Variants in LHFPL3 observed in about 807,000 individuals in gnomAD.
LHFPL3 encodes LHFPL tetraspan subfamily member 3 protein.
Under a neutral mutation model 19.3 loss-of-function variants are expected in LHFPL3, and 5 were observed. That is an observed-to-expected ratio of 0.26 (90% CI 0.14 to 0.54). The LOEUF (loss-of-function observed/expected upper bound fraction) is 0.54, where lower values mean the gene tolerates loss of function less well. LHFPL3 is among the 20% of genes least tolerant of loss of function. LHFPL3 has a pLI of 0.94. For synonymous variants in LHFPL3, 133 were observed against 126.2 expected (o/e 1.05, Z -0.36); for missense variants, 249 against 307.4 (o/e 0.81, Z 1.42).
intron 1 of LHFPL3, among the ~76,000 whole-genome samples, chr7:104,664,616 G>C (rs765546269): frequency 1.3e-5 from 2 of 152,158 alleles, no homozygotes; most frequent in Admixed American, 6.5e-5. Context: ...TGTAGTTGTA[G>C]CACAGCATAG....
intron 1 of LHFPL3, among the ~76,000 whole-genome samples, chr7:104,460,164 C>T (rs939192342): frequency 6.6e-6 from 1 of 152,126 alleles, no homozygotes; most frequent in Non-Finnish European, 1.5e-5. Flanking sequence ...TCCATGTTCC[C>T]ATAGAAGACA....
chr7:104,852,237 C>CAG (rs1443871405), intron 2 of LHFPL3, among the ~76,000 whole-genome samples: 1 of 152,166 alleles, frequency 6.6e-6, no homozygotes, highest in African/African-American at 2.4e-5. Context: ...CTCTCTCAGA[C>CAG]ACAGAGAGAG....
chr7:104,365,486 A>G (rs1243964553), intron 1 of LHFPL3, among the ~76,000 whole-genome samples: 1 of 151,800 alleles, frequency 6.6e-6, no homozygotes, highest in African/African-American at 2.4e-5. Context: ...AGCATCAACA[A>G]GATGAAAAGC....
At chr7:104,491,807 T>A (rs1365698092) in intron 1 of LHFPL3, among the ~76,000 whole-genome samples, 1 of 152,228 alleles carries the variant, frequency 6.6e-6, no homozygotes, top group Non-Finnish European at 1.5e-5. Context: ...AATGTTAAAA[T>A]ATACCCAAAA....
chr7:104,735,931 A>G (rs1793807277), intron 1 of LHFPL3, among the ~76,000 whole-genome samples: 1 of 152,240 alleles, frequency 6.6e-6, no homozygotes, highest in African/African-American at 2.4e-5. Flanking sequence ...TGCTGTAATA[A>G]CATGGGAGTT....
At chr7:104,385,453 G>A (rs1790920594) in intron 1 of LHFPL3, among the ~76,000 whole-genome samples, 1 of 152,156 alleles carries the variant, frequency 6.6e-6, no homozygotes, top group South Asian at 2.1e-4. Flanking sequence ...TTTATGTGCT[G>A]ACAGACTGGT....
At chr7:104,407,737 T>A (rs1167022753) in intron 1 of LHFPL3, among the ~76,000 whole-genome samples, 2 of 152,226 alleles carry the variant, frequency 1.3e-5, no homozygotes. Context: ...GATCTCAACA[T>A]TGAAGTTGGC....
Position 104,850,012 on chromosome 7 carries a change from GT to G in LHFPL3, c.683-56168del, listed in dbSNP as rs544455402. Among the ~76,000 whole-genome samples, 4 of 152,326 alleles carry G rather than the reference GT, an allele frequency of 2.6e-5. No individual in the cohort carries two copies. In the South Asian group the frequency reaches 6.2e-4, roughly 24 times the overall value. ...TTAGGTTCGTGCAAAAGTAATTGTG[GT>G]TTTTTTAGGCCGGGCGCGGTGGCTC... On this transcript the variant is annotated intron_variant, in intron 2 of 2. Coordinates refer to ENST00000424859, the MANE Select transcript of LHFPL3 (RefSeq NM_199000.3).
intron 1 of LHFPL3, among the ~76,000 whole-genome samples, chr7:104,422,832 C>T (rs907951856): frequency 3.3e-5 from 5 of 152,094 alleles, no homozygotes; most frequent in Admixed American, 2.0e-4. Flanking sequence ...GGTGATGTAA[C>T]ATATATTGGG....
intron 1 of LHFPL3, among the ~76,000 whole-genome samples, chr7:104,614,589 C>CTTCTCT (rs750617770): frequency 1.6e-5 from 1 of 63,852 alleles, no homozygotes; most frequent in African/African-American, 5.4e-5. Context: ...CTTCTCTTCT[C>CTTCTCT]TCTCTTCTCT....
At chr7:104,520,330 G>A (rs1794031078) in intron 1 of LHFPL3, among the ~76,000 whole-genome samples, 1 of 147,610 alleles carries the variant, frequency 6.8e-6, no homozygotes, top group South Asian at 2.2e-4. Context: ...TTTTTGATGT[G>A]CTGCTGGATT....
At chr7:104,356,492 A>G (rs1053429750) in intron 1 of LHFPL3, among the ~76,000 whole-genome samples, 1 of 152,208 alleles carries the variant, frequency 6.6e-6, no homozygotes, top group African/African-American at 2.4e-5. Flanking sequence ...CATTTGGACC[A>G]TGGCAGCTAC....
At chr7:104,738,221 C>G (rs1793866483) in intron 2 of LHFPL3, among the ~76,000 whole-genome samples, 1 of 152,120 alleles carries the variant, frequency 6.6e-6, no homozygotes, top group Admixed American at 6.5e-5. Context: ...CAGAGCTGCC[C>G]TTTCTAGATA....
At chr7:104,347,264 AATC>A (rs959687877) in intron 1 of LHFPL3, among the ~76,000 whole-genome samples, 1 of 152,004 alleles carries the variant, frequency 6.6e-6, no homozygotes, top group Non-Finnish European at 1.5e-5. Context: ...TAGAAAAAAA[AATC>A]ATGCACATTT....
intron 1 of LHFPL3, among the ~76,000 whole-genome samples, chr7:104,387,431 G>C (rs894616142): frequency 1.3e-5 from 2 of 151,846 alleles, no homozygotes; most frequent in Non-Finnish European, 1.5e-5. Flanking sequence ...ATACTAGAGG[G>C]GCTCAAGAGC....
chr7:104,611,291 T>A (rs931256716), intron 1 of LHFPL3, among the ~76,000 whole-genome samples: 15 of 152,194 alleles, frequency 9.9e-5, no homozygotes, highest in African/African-American at 3.4e-4. Flanking sequence ...ATAAGAAAAT[T>A]GAGACTTCTG....
chr7:104,416,229 G>T (rs1791619608), intron 1 of LHFPL3, among the ~76,000 whole-genome samples: 1 of 152,246 alleles, frequency 6.6e-6, no homozygotes, highest in South Asian at 2.1e-4. Flanking sequence ...GGAATTCCAA[G>T]GATTGCTGGT....
chr7:104,586,497 C>T (rs1176657446), intron 1 of LHFPL3, among the ~76,000 whole-genome samples: 1 of 152,056 alleles, frequency 6.6e-6, no homozygotes, highest in African/African-American at 2.4e-5. Context: ...TTTTTCAAAG[C>T]ATTACAACAT....
At chr7:104,888,874 C>T (rs1792195453) in intron 2 of LHFPL3, among the ~76,000 whole-genome samples, 1 of 152,156 alleles carries the variant, frequency 6.6e-6, no homozygotes, top group Non-Finnish European at 1.5e-5. Context: ...AATGAATCCA[C>T]TGAAAATCCC....
Sources: allele counts gnomAD v4.1 joint callset (sites outside exome capture counted in the v4.1 genomes callset), GRCh38; gene constraint gnomAD v4.1.1; transcripts MANE v1.5; gene names NCBI Gene and HGNC (gene_info 2026-07-23, HGNC 2026-07-21).